The following KCNH8 variants were observed in gnomAD, a reference collection of about 807,000 sequenced individuals.
KCNH8 encodes the protein voltage-gated delayed rectifier potassium channel KCNH8.
KCNH8 carries 70 observed loss-of-function variants against 103.6 expected under a neutral mutation model. That is an observed-to-expected ratio of 0.68 (90% CI 0.56 to 0.82). The LOEUF is 0.82. Ranked by LOEUF, KCNH8 falls within the 40% of genes least tolerant of loss-of-function variation. KCNH8 has a pLI of 0.00. For synonymous variants in KCNH8, 498 were observed against 489.4 expected (o/e 1.02, Z -0.23); for missense variants, 1,217 against 1,329.9 (o/e 0.92, Z 1.32).
intron 4 of KCNH8, chr3:19,346,815 A>G (rs1411141015): frequency 2.6e-6 from 1 of 389,370 alleles, no homozygotes; most frequent in Non-Finnish European, 5.2e-6. Flanking sequence ...CCTATCTTAT[A>G]TTTCCCATTA....
At chr3:19,148,847 C>T (rs1410256772) in intron 1 of KCNH8, 52 bp downstream of exon 1, 1 of 1,486,578 alleles carries the variant, frequency 6.7e-7, no homozygotes, top group Non-Finnish European at 9.4e-7. Context: ...ACTGATTTTT[C>T]TCGTACACAT....
rs187003035 is a variant in KCNH8 at position 19,296,320 on chromosome 3, A to C, written c.442+14991A>C. ...GTTTGGAGGATGAAAATTTTGCCCA[A>C]GTATTAATTTCTCAAAGCAGACACT... On this transcript the variant is annotated intron_variant, in intron 3 of 15. Coordinates refer to ENST00000328405, the MANE Select transcript of KCNH8 (RefSeq NM_144633.3). Among the ~76,000 whole-genome samples the C allele has an allele frequency of 2.3e-3, 349 of 152,350 alleles. 2 individuals carry two copies. The highest frequency in any genetic ancestry group is 7.8e-3 in the African/African-American group (325 of 41,588).
At chr3:19,280,851 T>C (rs113033757) in intron 2 of KCNH8, among the ~76,000 whole-genome samples, 170 of 152,152 alleles carry the variant, frequency 1.1e-3, no homozygotes, top group African/African-American at 3.9e-3. Context: ...AACGAGTGTG[T>C]GCTGGGGGTG....
intron 3 of KCNH8, among the ~76,000 whole-genome samples, chr3:19,290,728 C>G (rs943287099): frequency 1.3e-5 from 2 of 152,130 alleles, no homozygotes; most frequent in African/African-American, 4.8e-5. Flanking sequence ...TGTTTCTCTG[C>G]CCGGCTTTGG....
intron 5 of KCNH8, among the ~76,000 whole-genome samples, chr3:19,381,553 G>A (rs920881522): frequency 1.3e-5 from 2 of 152,068 alleles, no homozygotes; most frequent in African/African-American, 4.8e-5. Flanking sequence ...AATGCTGGCG[G>A]GTGGGGGAGA....
At chr3:19,167,357 C>T (rs1002853664) in intron 1 of KCNH8, among the ~76,000 whole-genome samples, 1 of 152,196 alleles carries the variant, frequency 6.6e-6, no homozygotes, top group Non-Finnish European at 1.5e-5. Flanking sequence ...TTATTCAAAA[C>T]ATTTCTTCTT....
At chr3:19,479,709 T>A (rs1204119485) in intron 11 of KCNH8, among the ~76,000 whole-genome samples, 2 of 152,208 alleles carry the variant, frequency 1.3e-5, no homozygotes, top group African/African-American at 4.8e-5. Flanking sequence ...TGTGTCTCTA[T>A]TATATGATAC....
At chr3:19,438,115 T>C in intron 7 of KCNH8, 49 bp from the exon 8 acceptor site, 1 of 1,448,668 alleles carries the variant, frequency 6.9e-7, no homozygotes, top group East Asian at 2.3e-5. Context: ...GTGTTAATAC[T>C]GAGACTTTAC....
At chr3:19,239,006 A>T (rs1678237574) in intron 1 of KCNH8, among the ~76,000 whole-genome samples, 1 of 152,220 alleles carries the variant, frequency 6.6e-6, no homozygotes, top group East Asian at 1.9e-4. Flanking sequence ...GTAATTTTTG[A>T]TATATTGATT....
chr3:19,281,310 T>G lies in KCNH8; in HGVS notation c.423T>G (p.Thr141=). ...TAACAGATACAAAAGTGAAGATTAC[T>G]CCAGAAGATAAAAAAGAAGGTTTGT... ...KDITDTKVKI[T]PEDKKEDKVK... Residue 141 remains threonine (T), a synonymous_variant, in exon 3 of 16, where the codon ACT becomes ACG. Transcript: ENST00000328405. The G allele has an allele frequency of 6.2e-7, 1 of 1,604,024 alleles. No individual in the cohort carries two copies. The highest frequency in any genetic ancestry group is 1.1e-5 in the South Asian group (1 of 88,562).
At chr3:19,503,366 G>GT (rs1428845744) in intron 11 of KCNH8, among the ~76,000 whole-genome samples, 1 of 152,214 alleles carries the variant, frequency 6.6e-6, no homozygotes, top group Non-Finnish European at 1.5e-5. Flanking sequence ...GGAAGTCAGT[G>GT]TGGCGATTCC....
At chr3:19,171,704 A>G (rs2063350420) in intron 1 of KCNH8, among the ~76,000 whole-genome samples, 1 of 152,056 alleles carries the variant, frequency 6.6e-6, no homozygotes, top group South Asian at 2.1e-4. Flanking sequence ...GAGCAAGGAA[A>G]TGTGCTAATT....
Position 19,534,180 on chromosome 3 carries a change from G to A in KCNH8, c.*81G>A. 1 of 1,033,306 alleles carries A rather than the reference G, an allele frequency of 9.7e-7. No individual in the cohort carries two copies. Among genetic ancestry groups the A allele is most frequent in the Non-Finnish European group, 1.4e-6 (1 of 704,132 alleles). The allele number at this position is 1,033,306 out of a possible 1,614,324, so 64.0% of individuals were successfully genotyped here. The stretch of plus-strand genomic sequence containing the variant: ...TAGTTTGCCTTTTTGCCTCTGGTGG[G>A]CATGAAGACTGAGCAAAGCTGGGAA... On this transcript the variant is annotated 3_prime_UTR_variant, in exon 16 of 16. Coordinates refer to ENST00000328405, the MANE Select transcript of KCNH8 (RefSeq NM_144633.3).
chr3:19,297,430 A>G (rs2065010680), intron 3 of KCNH8, among the ~76,000 whole-genome samples: 1 of 152,202 alleles, frequency 6.6e-6, no homozygotes, highest in South Asian at 2.1e-4. Context: ...GTTTGTTTAC[A>G]TAAATTATAG....
At chr3:19,421,327 C>A (rs1454388940) in intron 7 of KCNH8, among the ~76,000 whole-genome samples, 2 of 152,080 alleles carry the variant, frequency 1.3e-5, no homozygotes, top group South Asian at 2.1e-4. Flanking sequence ...TTTTGAACCT[C>A]CCATTTTAAG....
intron 5 of KCNH8, among the ~76,000 whole-genome samples, chr3:19,352,484 T>A (rs1038308412): frequency 6.6e-6 from 1 of 152,142 alleles, no homozygotes; most frequent in African/African-American, 2.4e-5. Context: ...TAGTTGGAAG[T>A]AAAGCACTCC....
intron 11 of KCNH8, among the ~76,000 whole-genome samples, chr3:19,457,395 C>G (rs781219665): frequency 4.6e-5 from 7 of 151,898 alleles, no homozygotes; most frequent in Non-Finnish European, 1.0e-4. Flanking sequence ...TAAAAATAAT[C>G]TTTTATTTAA....
At chr3:19,362,699 T>C (rs1009723310) in intron 5 of KCNH8, among the ~76,000 whole-genome samples, 6 of 152,224 alleles carry the variant, frequency 3.9e-5, no homozygotes, top group African/African-American at 1.4e-4. Flanking sequence ...GGTCTCACTC[T>C]GTCATGCAGG....
intron 7 of KCNH8, among the ~76,000 whole-genome samples, chr3:19,416,040 C>T (rs1003347487): frequency 5.3e-5 from 8 of 151,938 alleles, no homozygotes; most frequent in Non-Finnish European, 8.8e-5. Context: ...TTCTTTCCTA[C>T]GTAATCTATT....
Sources: gnomAD v4.1 joint callset for allele counts (sites outside exome capture counted in the v4.1 genomes callset) on GRCh38, gnomAD v4.1.1 for gene constraint, MANE v1.5 for transcripts, NCBI Gene and HGNC (gene_info 2026-07-23, HGNC 2026-07-21) for gene names.